PLEKHA8: variants seen among roughly 807,000 people sequenced by gnomAD.
PLEKHA8 encodes the protein pleckstrin homology domain containing A8.
PLEKHA8 carries 36 observed loss-of-function variants against 68.2 expected under a neutral mutation model. The ratio of observed to expected loss-of-function variants is 0.53; its 90% CI spans 0.40 to 0.70. The LOEUF (loss-of-function observed/expected upper bound fraction) is 0.70. PLEKHA8 is among the 30% of genes least tolerant of loss of function. The probability of loss-of-function intolerance (pLI) is 0.00; values close to 1 mark genes in which losing one functional copy is unlikely to be tolerated. For synonymous variants in PLEKHA8, 211 were observed against 216.1 expected, an observed-to-expected ratio of 0.98 and a Z score of 0.20; for missense variants, 505 against 615.4, an observed-to-expected ratio of 0.82 and a Z score of 1.90.
At chr7:30,093,903 C>G (rs1041468362), downstream of PLEKHA8, among the ~76,000 whole-genome samples, 3 of 152,206 alleles carry the variant, frequency 2.0e-5, no homozygotes, top group African/African-American at 7.2e-5. Flanking sequence ...AACTGGGTCA[C>G]CTTGGACAAA....
chr7:30,040,488 G>A (rs560523193), intron 1 of PLEKHA8, among the ~76,000 whole-genome samples: 8 of 152,276 alleles, frequency 5.3e-5, no homozygotes, highest in Admixed American at 2.0e-4. Flanking sequence ...AATTGTCTCC[G>A]GTTGGGCCAC....
intron 12 of PLEKHA8, among the ~76,000 whole-genome samples, chr7:30,063,882 G>A (rs1793631035): frequency 6.6e-6 from 1 of 152,180 alleles, no homozygotes; most frequent in Non-Finnish European, 1.5e-5. Flanking sequence ...CTCCTACAAA[G>A]GGTCTTTTCC....
At chr7:30,062,320 G>C (rs1245998965) in intron 11 of PLEKHA8, among the ~76,000 whole-genome samples, 2 of 152,172 alleles carry the variant, frequency 1.3e-5, no homozygotes, top group Non-Finnish European at 2.9e-5. Flanking sequence ...GAATCATCTG[G>C]AGGACTTGTT....
chr7:30,105,693 A>G (rs1157325271), intron 13 of PLEKHA8, among the ~76,000 whole-genome samples: 1 of 152,224 alleles, frequency 6.6e-6, no homozygotes, highest in East Asian at 1.9e-4. Flanking sequence ...AGGGGTAGGC[A>G]GGGGCTGGTG....
chr7:30,087,115 A>G (rs1377373749), downstream of PLEKHA8, among the ~76,000 whole-genome samples: 1 of 152,192 alleles, frequency 6.6e-6, no homozygotes, highest in Non-Finnish European at 1.5e-5. Context: ...TTGGCTTGAG[A>G]GTCCAGCTTG....
At chr7:30,052,353 C>G (rs1027756533) in intron 6 of PLEKHA8, among the ~76,000 whole-genome samples, 5 of 152,038 alleles carry the variant, frequency 3.3e-5, no homozygotes, top group African/African-American at 1.2e-4. Context: ...AATTTATGAC[C>G]AAGCTTGGCG....
At chr7:30,029,729 A>T (rs1363953978) in intron 1 of PLEKHA8, among the ~76,000 whole-genome samples, 1 of 152,232 alleles carries the variant, frequency 6.6e-6, no homozygotes, top group African/African-American at 2.4e-5. Context: ...AGTATCCCTT[A>T]GAGTGGGTGA....
rs1000849874 is a variant in PLEKHA8, at chr7:30,116,084, G to A, written c.1363-13182G>A. On this transcript the variant is annotated intron_variant, in intron 13 of 13. Transcript: ENST00000396257. The stretch of plus-strand genomic sequence containing the variant: ...TGCATACGTATACATGTATACATAC[G>A]CATACATACGTATACATACGCATAC... 6.1e-5 allele frequency: 9 copies of A among 148,152 alleles called. 1 individual carries two copies. The highest frequency in any genetic ancestry group is 1.3e-4 in the African/African-American group (5 of 39,816). The allele number at this position is 148,152 out of a possible 1,614,324, so 9.2% of individuals were successfully genotyped here. A position where few individuals can be genotyped will look rare whatever the true frequency, so the allele number is the denominator to read the frequency against.
At chr7:30,056,213 G>T (rs1353574567) in intron 9 of PLEKHA8, among the ~76,000 whole-genome samples, 1 of 147,754 alleles carries the variant, frequency 6.8e-6, no homozygotes. Flanking sequence ...AAAGTGCTGG[G>T]ATTACAGGTG....
In PLEKHA8 at chr7:30,083,529, A is replaced by G. The variant is rs17158618; in HGVS notation, c.*4742A>G. On this transcript the variant is annotated 3_prime_UTR_variant, in exon 14 of 14. Coordinates refer to ENST00000449726, the MANE Select transcript of PLEKHA8 (RefSeq NM_001197026.2). ...GCATGATTTCTCATTGCACTGCTGC[A>G]TTCAGGCACTCCAGGGCATGATTAA... 16,775 of 985,364 alleles carry G rather than the reference A, an allele frequency of 0.017. 172 individuals carry two copies. The highest frequency in any genetic ancestry group is 0.04 in the East Asian group (350 of 8,816). The allele number at this position is 985,364 out of a possible 1,614,324, so 61.0% of individuals were successfully genotyped here.
chr7:30,050,684 G>GCCAA, intron 6 of PLEKHA8: 4 of 507,670 alleles, frequency 7.9e-6, no homozygotes, highest in Non-Finnish European at 9.4e-6. Context: ...GAAGATGTTG[G>GCCAA]CATTTTCCCT....
chr7:30,036,099 T>A (rs1042485502), intron 1 of PLEKHA8, among the ~76,000 whole-genome samples: 1 of 151,760 alleles, frequency 6.6e-6, no homozygotes, highest in African/African-American at 2.4e-5. Context: ...CTACTAAAAA[T>A]ACAAAAATTA....
downstream of PLEKHA8, chr7:30,084,760 C>A: frequency 1.8e-6 from 1 of 546,654 alleles, no homozygotes; most frequent in Non-Finnish European, 2.3e-6. Flanking sequence ...AAGCCGTTTA[C>A]AAATATAAGA....
rs1793458175 is a variant in PLEKHA8 at position 30,061,795 on chromosome 7, C to G, written c.1099-102C>G. ...AGGTAATAGGAGCTTAATTTATTTT[C>G]TTAGAGGCCTGCTTGCCAAACTTAC... is the stretch of plus-strand genomic sequence containing the variant. On this transcript the variant is annotated intron_variant, in intron 10 of 13. Coordinates refer to ENST00000449726, the MANE Select transcript of PLEKHA8 (RefSeq NM_001197026.2). 3.8e-6 allele frequency: 5 copies of G among 1,309,388 alleles called. No individual in the cohort carries two copies. In the Admixed American group the frequency reaches 1.1e-4, roughly 28 times the overall value. 81.1% of individuals were successfully genotyped at this position (1,309,388 alleles called of 1,614,324 possible). A position where few individuals can be genotyped will look rare whatever the true frequency, so the allele number is the denominator to read the frequency against.
At position 30,042,886 on chromosome 7, in the gene PLEKHA8, C is replaced by T. The variant is rs561236813; in HGVS notation, c.41-2199C>T. Among the ~76,000 whole-genome samples, 12 of 152,258 alleles carry T rather than the reference C, an allele frequency of 7.9e-5. No homozygotes were observed. The South Asian group carries it at 2.5e-3, about 32-fold the overall frequency. On this transcript the variant is annotated intron_variant, in intron 1 of 13. Coordinates refer to ENST00000449726, the MANE Select transcript of PLEKHA8 (RefSeq NM_001197026.2). ...ACTCCTGGAGCACTGATTCTGTGCC[C>T]AACAAGATACAGTCTGAGGATTGAT... is the stretch of plus-strand genomic sequence containing the variant.
At chr7:30,046,398 T>G (rs1469612804) in intron 3 of PLEKHA8, 33 bp downstream of exon 3, 1 of 1,535,346 alleles carries the variant, frequency 6.5e-7, no homozygotes, top group Non-Finnish European at 8.8e-7. Flanking sequence ...TGTGGAAACC[T>G]TGGGAATCAC....
chr7:30,106,154 G>C (rs1375400202), intron 13 of PLEKHA8, among the ~76,000 whole-genome samples: 2 of 151,828 alleles, frequency 1.3e-5, no homozygotes, highest in East Asian at 3.9e-4. Context: ...TGCCTCCCAG[G>C]TTTAAGAGAT....
intron 12 of PLEKHA8, among the ~76,000 whole-genome samples, chr7:30,071,258 G>C (rs1011852270): frequency 1.3e-5 from 2 of 152,158 alleles, no homozygotes; most frequent in African/African-American, 4.8e-5. Context: ...GATGGATAAA[G>C]GTCCTCACAA....
intron 10 of PLEKHA8, 115 bp from the exon 11 acceptor site, chr7:30,061,782 C>T (rs1793457168): frequency 8.8e-7 from 1 of 1,131,040 alleles, no homozygotes; most frequent in Non-Finnish European, 1.3e-6. Flanking sequence ...GTAATAGGAG[C>T]TTAATTTATT....
Sources: allele counts gnomAD v4.1 joint callset (sites outside exome capture counted in the v4.1 genomes callset), GRCh38; gene constraint gnomAD v4.1.1; transcripts MANE v1.5; gene names NCBI Gene and HGNC (gene_info 2026-07-23, HGNC 2026-07-21).